Variants in NHS observed in about 807,000 individuals in gnomAD.
The protein encoded by NHS is NHS actin remodeling regulator.
In NHS, 5 loss-of-function variants were observed where a neutral mutation model predicts 72.5. The observed-to-expected ratio is 0.07, with a 90% confidence interval of 0.04 to 0.14. The LOEUF (loss-of-function observed/expected upper bound fraction) is 0.14, where lower values mean the gene tolerates loss of function less well. Among genes scored for constraint, NHS ranks in the 10% least tolerant of loss-of-function variants. NHS has a pLI of 1.00. For missense variants in NHS, 1,072 were observed against 1,355.7 expected (o/e 0.79, Z 3.29); for synonymous variants, 464 against 547.7 (o/e 0.85, Z 2.13).
Position 17,566,959 on chromosome X carries a change from G to A in NHS, c.566-120783G>A, listed in dbSNP as rs1480516479. 5.4e-5 allele frequency among the ~76,000 whole-genome samples: 6 copies of A among 111,342 alleles called. No individual in the cohort carries two copies. In the East Asian group the frequency reaches 1.7e-3, roughly 32 times the overall value. ...GCAGGCACCAGATATACCTCTCAGAGTTACATTATAATCACTATTCATCTG... is the reference window on the plus strand; with the variant it reads ...GCAGGCACCAGATATACCTCTCAGAATTACATTATAATCACTATTCATCTG... On this transcript the variant is annotated intron_variant, in intron 1 of 8. Coordinates refer to ENST00000676302, the MANE Select transcript of NHS (RefSeq NM_001291867.2).
intron 1 of NHS, among the ~76,000 whole-genome samples, chrX:17,460,036 C>T (rs377631230): frequency 9.0e-6 from 1 of 111,564 alleles, no homozygotes; most frequent in African/African-American, 3.3e-5. Context: ...GAAGAGGATC[C>T]CCAGCTTTAG....
intron 1 of NHS, among the ~76,000 whole-genome samples, chrX:17,558,935 T>C (rs962230345): frequency 8.9e-6 from 1 of 112,862 alleles, no homozygotes; most frequent in East Asian, 2.8e-4. Context: ...CATTTTTACA[T>C]TCATATACAC....
intron 1 of NHS, among the ~76,000 whole-genome samples, chrX:17,490,300 T>TATAAGGTG (rs779513919): frequency 8.9e-6 from 1 of 112,543 alleles, no homozygotes; most frequent in African/African-American, 3.2e-5. Context: ...TTAATTTTTG[T>TATAAGGTG]ATAAGGTGTA....
chrX:17,383,698 A>G (rs1601682142), intron 1 of NHS, among the ~76,000 whole-genome samples: 1 of 111,085 alleles, frequency 9.0e-6, no homozygotes. Context: ...TGATCCAGTC[A>G]CCTCCCACCG....
chrX:17,706,571 C>T (rs903574019), intron 3 of NHS, among the ~76,000 whole-genome samples: 5 of 111,118 alleles, frequency 4.5e-5, no homozygotes, highest in East Asian at 2.8e-4. Flanking sequence ...GCACTTACAC[C>T]GCTAGTGCTT....
chrX:17,599,060 T>C (rs1055642981), intron 1 of NHS, among the ~76,000 whole-genome samples: 1 of 112,463 alleles, frequency 8.9e-6, no homozygotes, highest in Admixed American at 9.4e-5. Flanking sequence ...GGTTGTTGAG[T>C]ATAGTTCAAA....
intron 1 of NHS, among the ~76,000 whole-genome samples, chrX:17,394,552 A>T (rs774814667): frequency 2.7e-5 from 3 of 112,105 alleles, no homozygotes; most frequent in African/African-American, 9.7e-5. Flanking sequence ...TTCACTTGCC[A>T]GGTGTGGAAT....
chrX:17,502,016 T>C (rs2060730159), intron 1 of NHS, among the ~76,000 whole-genome samples: 1 of 111,904 alleles, frequency 8.9e-6, no homozygotes, highest in African/African-American at 3.2e-5. Flanking sequence ...TCCATTGAAC[T>C]CAGTTAATTC....
chrX:17,502,950 T>G (rs1464558168), intron 1 of NHS, among the ~76,000 whole-genome samples: 1 of 111,811 alleles, frequency 8.9e-6, no homozygotes, highest in African/African-American at 3.3e-5. Flanking sequence ...TTTCTCTACA[T>G]CCCACTTTCA....
chrX:17,396,237 T>G (rs1329665979), intron 1 of NHS, among the ~76,000 whole-genome samples: 3 of 112,267 alleles, frequency 2.7e-5, no homozygotes, highest in African/African-American at 9.7e-5. Flanking sequence ...AGTAGACACA[T>G]GTAGCTGAAA....
At chrX:17,403,021 C>A (rs2064509873) in intron 1 of NHS, among the ~76,000 whole-genome samples, 1 of 111,982 alleles carries the variant, frequency 8.9e-6, no homozygotes, top group African/African-American at 3.2e-5. Flanking sequence ...GGTCAGGTGA[C>A]CATCCTCAAT....
chrX:17,416,819 T>TGTGAGAGA (rs1445369548), intron 1 of NHS, among the ~76,000 whole-genome samples: 11 of 98,194 alleles, frequency 1.1e-4, no homozygotes, highest in African/African-American at 4.3e-4. Context: ...TGTGTGTGTG[T>TGTGAGAGA]GAGAGAGAGA....
intron 1 of NHS, among the ~76,000 whole-genome samples, chrX:17,548,262 G>A (rs781425765): frequency 2.7e-5 from 3 of 111,358 alleles, no homozygotes; most frequent in Non-Finnish European, 3.8e-5. Context: ...AGGCCATTAA[G>A]AGCCAGGAAA....
chrX:17,504,531 C>G lies in NHS; in HGVS notation c.565+128209C>G, dbSNP rs1367544012. On this transcript the variant is annotated intron_variant, in intron 1 of 8. Transcript: ENST00000676302. ...GGTCAAACGTTGACTTTCTCTCACCCTCTTCTTACATCATCTTTTCTTCCC... is the reference window on the plus strand; with the variant it reads ...GGTCAAACGTTGACTTTCTCTCACCGTCTTCTTACATCATCTTTTCTTCCC... Among the ~76,000 whole-genome samples the G allele has an allele frequency of 2.7e-5, 3 of 112,366 alleles. No homozygotes were observed. In the East Asian group the frequency reaches 8.4e-4, roughly 31 times the overall value.
At chrX:17,677,920 G>A (rs998835640) in intron 1 of NHS, among the ~76,000 whole-genome samples, 11 of 111,098 alleles carry the variant, frequency 9.9e-5, no homozygotes, top group South Asian at 3.9e-4. Flanking sequence ...AGATCCTCCC[G>A]CCTCAGAGTA....
chrX:17,637,301 T>C (rs1206869989), intron 1 of NHS, among the ~76,000 whole-genome samples: 1 of 111,894 alleles, frequency 8.9e-6, no homozygotes, highest in African/African-American at 3.3e-5. Flanking sequence ...ATAAGAAAGA[T>C]GAGAAAGCCT....
chrX:17,518,991 C>G lies in NHS; in HGVS notation c.565+142669C>G, dbSNP rs2065134057. ...TGTTGCTTGGTTTTCTCATCTGTCT[C>G]TATGTCATAGGCTTTTGTTGTGATA... is the stretch of plus-strand genomic sequence containing the variant. On this transcript the variant is annotated intron_variant, in intron 1 of 8. Transcript: ENST00000676302. Among the ~76,000 whole-genome samples, 3 of 111,952 alleles carry G rather than the reference C, an allele frequency of 2.7e-5. No individual in the cohort carries two copies. In the South Asian group the frequency reaches 1.1e-3, roughly 42 times the overall value.
rs2066449787 is a variant in NHS, at chrX:17,726,963, G to T, written c.2857G>T (p.Asp953Tyr). The T allele has an allele frequency of 8.3e-7, 1 of 1,211,902 alleles. No individual in the cohort carries two copies. The highest frequency in any genetic ancestry group is 2.2e-5 in the Admixed American group (1 of 46,047). ...CTATGCAGACCTCTGGCTCCTAAAT[G>T]ACTTGAAAACAAATGATCCTTATAG... ...THYADLWLLN[D>Y]LKTNDPYRSL... Residue 953 changes from aspartate to tyrosine, a missense_variant, in exon 7 of 9, where the codon GAC becomes TAC. By Grantham distance (160) the Asp-to-Tyr change is radical. Coordinates refer to ENST00000676302, the MANE Select transcript of NHS (RefSeq NM_001291867.2).
intron 1 of NHS, among the ~76,000 whole-genome samples, chrX:17,523,027 A>T (rs1160901614): frequency 2.7e-5 from 3 of 111,920 alleles, no homozygotes; most frequent in Non-Finnish European, 5.6e-5. Context: ...GAAAAAAAAA[A>T]TGGATAAGGA....
Sources: allele counts gnomAD v4.1 joint callset (sites outside exome capture counted in the v4.1 genomes callset), GRCh38; gene constraint gnomAD v4.1.1; transcripts MANE v1.5; gene names NCBI Gene and HGNC (gene_info 2026-07-23, HGNC 2026-07-21).